DNAH12: variants seen among roughly 807,000 people sequenced by gnomAD.
DNAH12 encodes the protein dynein axonemal heavy chain 12.
Under a neutral mutation model 371.5 loss-of-function variants are expected in DNAH12, and 285 were observed. The ratio of observed to expected loss-of-function variants is 0.77; its 90% CI spans 0.70 to 0.85. DNAH12 has a LOEUF of 0.85. DNAH12 is among the 40% of genes least tolerant of loss of function. The pLI is 0.00. For synonymous variants in DNAH12, 1,200 were observed against 1,213.0 expected (o/e 0.99, Z 0.22); for missense variants, 3,611 against 3,689.4 (o/e 0.98, Z 0.55).
chr3:57,302,963 CAGAT>C (rs750206892), intron 69 of DNAH12, among the ~76,000 whole-genome samples: 7 of 152,030 alleles, frequency 4.6e-5, no homozygotes, highest in South Asian at 4.2e-4. Flanking sequence ...GAATAGTTAA[CAGAT>C]GGATGAGAAG....
intron 22 of DNAH12, among the ~76,000 whole-genome samples, chr3:57,457,049 C>T (rs2065920774): frequency 6.6e-6 from 1 of 152,092 alleles, no homozygotes. Flanking sequence ...GAATCTCTGG[C>T]AAACCAGCCC....
chr3:57,324,240 G>A (rs934189903), intron 62 of DNAH12, among the ~76,000 whole-genome samples: 2 of 152,138 alleles, frequency 1.3e-5, no homozygotes, highest in Non-Finnish European at 2.9e-5. Flanking sequence ...AGGAGAGAGA[G>A]AAATTAACTT....
Position 57,323,453 on chromosome 3 carries a change from C to G in DNAH12, c.10129+16G>C. ...TTATTTATGATTTCTTAAAAGTTTA[C>G]AGTATATGCACTTACTGGCCATAGG... On this transcript the variant is annotated intron_variant, in intron 63 of 73. Coordinates refer to ENST00000495027, the MANE Select transcript of DNAH12 (RefSeq NM_001366028.2). 1 of 1,513,418 alleles carries G rather than the reference C, an allele frequency of 6.6e-7. No individual in the cohort carries two copies. The highest frequency in any genetic ancestry group is 8.8e-7 in the Non-Finnish European group (1 of 1,134,380). The allele number at this position is 1,513,418 out of a possible 1,614,324, so 93.7% of individuals were successfully genotyped here. A position where few individuals can be genotyped will look rare whatever the true frequency, so the allele number is the denominator to read the frequency against.
chr3:57,410,035 C>A (rs898589492), intron 39 of DNAH12, among the ~76,000 whole-genome samples: 2 of 152,174 alleles, frequency 1.3e-5, no homozygotes, highest in African/African-American at 4.8e-5. Flanking sequence ...GCACTACCCA[C>A]AAATTCTTGA....
At chr3:57,341,619 C>T (rs560664850) in intron 60 of DNAH12, among the ~76,000 whole-genome samples, 1 of 151,592 alleles carries the variant, frequency 6.6e-6, no homozygotes, top group South Asian at 2.1e-4. Flanking sequence ...AAGAAGACAT[C>T]AAAAAATAGA....
intron 13 of DNAH12, among the ~76,000 whole-genome samples, chr3:57,481,500 G>A (rs2066740863): frequency 6.6e-6 from 1 of 151,924 alleles, no homozygotes; most frequent in Non-Finnish European, 1.5e-5. Flanking sequence ...ACTGCCCAAG[G>A]TAATTTATAG....
chr3:57,412,479 G>C (rs1553683341), intron 39 of DNAH12, among the ~76,000 whole-genome samples: 1 of 152,086 alleles, frequency 6.6e-6, no homozygotes, highest in African/African-American at 2.4e-5. Context: ...CTCTGCCAAA[G>C]ACAATGTCAA....
chr3:57,360,741 G>C (rs974018772), intron 58 of DNAH12, among the ~76,000 whole-genome samples: 1 of 152,158 alleles, frequency 6.6e-6, no homozygotes, highest in Admixed American at 6.5e-5. Context: ...GGTGCATTGT[G>C]GGGTGGGGAG....
rs1442875737 is a variant in DNAH12 at position 57,314,515 on chromosome 3, G to A, written c.10641C>T (p.Arg3547=). The change falls in exon 66 of 74, where the codon CGC becomes CGT. Residue 3547 remains arginine, a synonymous_variant. Transcript: ENST00000495027. ...TTACCTGCAGTTGTCGGATACTGAT[G>A]CGCAAGTCAGATTCATTAAATCCAT... ...IPYGFNESDL[R]ISIRQLQLFI... 6.4e-7 allele frequency: 1 copy of A among 1,550,850 alleles called. No individual in the cohort carries two copies. The highest frequency in any genetic ancestry group is 2.4e-5 in the East Asian group (1 of 40,888).
chr3:57,412,224 G>A (rs2064230086), intron 39 of DNAH12, among the ~76,000 whole-genome samples: 1 of 152,126 alleles, frequency 6.6e-6, no homozygotes, highest in Admixed American at 6.5e-5. Flanking sequence ...TTTAGCAAAA[G>A]ACAAATATCG....
intron 44 of DNAH12, among the ~76,000 whole-genome samples, chr3:57,393,402 C>T (rs1193095691): frequency 3.3e-5 from 5 of 151,842 alleles, no homozygotes; most frequent in Non-Finnish European, 4.4e-5. Flanking sequence ...CCGAGGCAGG[C>T]GGATCACGAG....
At chr3:57,489,986 C>T (rs2067062927) in intron 11 of DNAH12, among the ~76,000 whole-genome samples, 1 of 152,074 alleles carries the variant, frequency 6.6e-6, no homozygotes, top group African/African-American at 2.4e-5. Context: ...CAGAGTCAAC[C>T]CATTTCTCTG....
rs746009769 is a variant in DNAH12, at chr3:57,334,629, G to T, written c.9834-20C>A. On this transcript the variant is annotated intron_variant, in intron 61 of 73. Transcript: ENST00000495027. ...TGTTGCCTAATAGAAAAAAGCTTAA[G>T]AATTATTCTTTTTATTGGGAAAAAC... 3.5e-4 allele frequency: 529 copies of T among 1,525,676 alleles called. No individual in the cohort carries two copies. Among genetic ancestry groups the T allele is most frequent in the Non-Finnish European group, 4.4e-4 (507 of 1,139,956 alleles). 94.5% of individuals were successfully genotyped at this position (1,525,676 alleles called of 1,614,324 possible). A position where few individuals can be genotyped will look rare whatever the true frequency, so the allele number is the denominator to read the frequency against.
Position 57,310,790 on chromosome 3 carries a change from T to C in DNAH12, c.10823A>G (p.Tyr3608Cys), listed in dbSNP as rs17057989. The C allele has an allele frequency of 1.9e-6, 3 of 1,551,522 alleles. No homozygotes were observed. The highest frequency in any genetic ancestry group is 2.0e-5 in the Admixed American group (1 of 50,990). Residue 3608 changes from tyrosine (Y) to cysteine (C), a missense_variant, in exon 67 of 74, where the codon TAT (tyrosine) becomes TGT (cysteine). Coordinates refer to ENST00000495027, the MANE Select transcript of DNAH12 (RefSeq NM_001366028.2). ...ATAGTTTCCACTGGGAGAAAACTTA[T>C]AATGAGGGTTTTCAACTATGTACAG... ...YNLYIVENPH[Y>C]KFSPSGNYFA... is the part of the protein sequence containing the mutation.
In DNAH12 at chr3:57,470,556, T is replaced by G; in HGVS notation, c.1992A>C (p.Glu664Asp). 1 of 1,550,346 alleles carries G rather than the reference T, an allele frequency of 6.5e-7. No homozygotes were observed. Among genetic ancestry groups the G allele is most frequent in the Non-Finnish European group, 8.7e-7 (1 of 1,146,720 alleles). Reference protein sequence around the residue: ...EAVQFINKEEELFKWELTKYP... With the variant: ...EAVQFINKEEDLFKWELTKYP... ...ATTTTGTCAATTCCCACTTGAAAAG[T>G]TCCTCTTCTTTATTAATAAACTGCA... Residue 664 changes from glutamate (E) to aspartate (D), a missense_variant, in exon 16 of 74, where the codon GAA becomes GAC. Glu to Asp is a conservative substitution (Grantham distance 45). Around this residue, in one of 3 missense-constraint regions of DNAH12, gnomAD observed 1,314 missense variants for 1,398.7 expected, o/e 0.94. Transcript: ENST00000495027.
At chr3:57,314,394 T>C in intron 66 of DNAH12, 100 bp downstream of exon 66, 2 of 1,372,408 alleles carry the variant, frequency 1.5e-6, no homozygotes, top group Non-Finnish European at 2.0e-6. Flanking sequence ...ACCCACCTGT[T>C]AGTGTTGGGA....
chr3:57,449,685 C>T (rs2065683546), intron 25 of DNAH12, among the ~76,000 whole-genome samples: 1 of 152,212 alleles, frequency 6.6e-6, no homozygotes, highest in Non-Finnish European at 1.5e-5. Context: ...TCCAGCTGGC[C>T]CGCAAGCGCC....
intron 34 of DNAH12, among the ~76,000 whole-genome samples, chr3:57,426,023 C>A (rs944721357): frequency 2.0e-5 from 3 of 151,900 alleles, no homozygotes; most frequent in Admixed American, 6.6e-5. Flanking sequence ...GAGAGATACA[C>A]CAAAGAGGGC....
intron 17 of DNAH12, among the ~76,000 whole-genome samples, chr3:57,467,410 C>G (rs1010113419): frequency 3.9e-5 from 6 of 152,168 alleles, no homozygotes; most frequent in African/African-American, 1.4e-4. Context: ...GCATAAGACA[C>G]CATGCCTGGC....
Sources: allele counts gnomAD v4.1 joint callset (sites outside exome capture counted in the v4.1 genomes callset), GRCh38; gene constraint gnomAD v4.1.1; regional missense constraint gnomAD v4.1.1; transcripts MANE v1.5; gene names NCBI Gene and HGNC (gene_info 2026-07-23, HGNC 2026-07-21).